The following KCNK10 variants were observed in gnomAD, a reference collection of about 807,000 sequenced individuals.
The protein encoded by KCNK10 is potassium two pore domain channel subfamily K member 10, also known as potassium channel subfamily K member 10.
Under a neutral mutation model 47.7 loss-of-function variants are expected in KCNK10, and 25 were observed. The observed-to-expected ratio is 0.52, with a 90% CI of 0.38 to 0.73. The LOEUF is 0.73. Among genes scored for constraint, KCNK10 ranks in the 30% least tolerant of loss-of-function variants. KCNK10 has a pLI of 0.00. For synonymous variants in KCNK10, 303 were observed against 285.6 expected (o/e 1.06, Z -0.61); for missense variants, 563 against 714.5 (o/e 0.79, Z 2.42).
chr14:88,289,070 C>G (rs188679530), intron 1 of KCNK10, among the ~76,000 whole-genome samples: 3 of 152,174 alleles, frequency 2.0e-5, no homozygotes, highest in African/African-American at 7.2e-5. Flanking sequence ...ACCCAGCACC[C>G]GGGTTGGTCT....
chr14:88,308,126 T>C (rs1475379211), intron 1 of KCNK10, among the ~76,000 whole-genome samples: 1 of 152,164 alleles, frequency 6.6e-6, no homozygotes, highest in African/African-American at 2.4e-5. Context: ...CGTGGGAGTA[T>C]GGCCACTGTT....
At chr14:88,265,525 C>T (rs1308604050) in intron 1 of KCNK10, among the ~76,000 whole-genome samples, 1 of 152,192 alleles carries the variant, frequency 6.6e-6, no homozygotes, top group Non-Finnish European at 1.5e-5. Flanking sequence ...GAACTTCTGA[C>T]TTCCAGAACC....
At chr14:88,206,184 G>A (rs1362685536) in intron 4 of KCNK10, among the ~76,000 whole-genome samples, 1 of 152,128 alleles carries the variant, frequency 6.6e-6, no homozygotes, top group African/African-American at 2.4e-5. Context: ...TTACATGGGA[G>A]CCCCCTGGAA....
At chr14:88,223,423 C>A (rs1419636356) in intron 4 of KCNK10, among the ~76,000 whole-genome samples, 1 of 151,212 alleles carries the variant, frequency 6.6e-6, no homozygotes, top group Admixed American at 6.6e-5. Flanking sequence ...CAATGAGCCT[C>A]TGTCTGTATG....
chr14:88,210,230 A>C (rs1285721155), intron 4 of KCNK10, among the ~76,000 whole-genome samples: 1 of 152,176 alleles, frequency 6.6e-6, no homozygotes, highest in East Asian at 1.9e-4. Flanking sequence ...TGGATCATTC[A>C]CCCAAGGTGG....
intron 5 of KCNK10, among the ~76,000 whole-genome samples, chr14:88,189,268 T>C (rs1884671677): frequency 6.6e-6 from 1 of 152,158 alleles, no homozygotes; most frequent in Non-Finnish European, 1.5e-5. Flanking sequence ...TGCCACTTCT[T>C]AACGTTAGAA....
chr14:88,326,275 A>G, upstream of KCNK10: 1 of 661,956 alleles, frequency 1.5e-6, no homozygotes, highest in Non-Finnish European at 2.6e-6. Flanking sequence ...CTCCTCCTCA[A>G]CTGCGTATTT....
intron 1 of KCNK10, among the ~76,000 whole-genome samples, chr14:88,265,276 A>G (rs1887221956): frequency 6.6e-6 from 1 of 152,074 alleles, no homozygotes; most frequent in Non-Finnish European, 1.5e-5. Context: ...ATGGGGGATG[A>G]TCTTGGATTA....
chr14:88,270,354 C>T (rs530092343), intron 1 of KCNK10, among the ~76,000 whole-genome samples: 4 of 152,096 alleles, frequency 2.6e-5, no homozygotes, highest in Non-Finnish European at 5.9e-5. Flanking sequence ...ATCTGTGCTG[C>T]CTCTGGTTCC....
intron 1 of KCNK10, among the ~76,000 whole-genome samples, chr14:88,281,116 C>T (rs899962934): frequency 6.6e-6 from 1 of 152,186 alleles, no homozygotes; most frequent in Non-Finnish European, 1.5e-5. Flanking sequence ...CAACATGCCC[C>T]TTTTCCCTCT....
At chr14:88,254,854 T>C (rs1282352774) in intron 2 of KCNK10, among the ~76,000 whole-genome samples, 3 of 150,848 alleles carry the variant, frequency 2.0e-5, no homozygotes. Flanking sequence ...TAATTATCTT[T>C]GTCTACTCGG....
chr14:88,214,764 A>C (rs1885566960), intron 4 of KCNK10, among the ~76,000 whole-genome samples: 1 of 152,230 alleles, frequency 6.6e-6, no homozygotes, highest in African/African-American at 2.4e-5. Context: ...CAACACACTG[A>C]GAGAGAGCAT....
intron 4 of KCNK10, among the ~76,000 whole-genome samples, chr14:88,201,190 G>C (rs1885088349): frequency 6.6e-6 from 1 of 152,142 alleles, no homozygotes; most frequent in Non-Finnish European, 1.5e-5. Context: ...ACATCCTAGG[G>C]GACGTGATCT....
intron 1 of KCNK10, among the ~76,000 whole-genome samples, chr14:88,300,164 A>G (rs748630943): frequency 6.6e-6 from 1 of 152,128 alleles, no homozygotes; most frequent in Non-Finnish European, 1.5e-5. Context: ...CCCTTGAGCA[A>G]AACTTGCAAA....
intron 1 of KCNK10, among the ~76,000 whole-genome samples, chr14:88,293,878 T>A (rs1233928870): frequency 6.6e-6 from 1 of 151,964 alleles, no homozygotes; most frequent in Non-Finnish European, 1.5e-5. Context: ...AGGGTCTCAC[T>A]ATGTTGCTCA....
Position 88,182,036 on chromosome 14 carries a change from GCACACACACACACACA to G in KCNK10, c.*3483_*3498del, listed in dbSNP as rs372506756. The stretch of plus-strand genomic sequence containing the variant: ...AGATGGCCCAACACCACCCCAACCC[GCACACACACACACACA>G]CACACACACACACACACACACACAC... On this transcript the variant is annotated 3_prime_UTR_variant, in exon 7 of 7. Transcript: ENST00000319231. 6.9e-4 allele frequency: 94 copies of G among 137,146 alleles called. No individual in the cohort carries two copies. The highest frequency in any genetic ancestry group is 1.8e-3 in the African/African-American group (66 of 36,834). The allele number at this position is 137,146 out of a possible 1,614,324, so 8.5% of individuals were successfully genotyped here. A position where few individuals can be genotyped will look rare whatever the true frequency, so the allele number is the denominator to read the frequency against.
intron 2 of KCNK10, among the ~76,000 whole-genome samples, chr14:88,253,291 A>G (rs1886850793): frequency 6.6e-6 from 1 of 152,220 alleles, no homozygotes; most frequent in South Asian, 2.1e-4. Flanking sequence ...AATAAATTCT[A>G]GTGTTCTATA....
chr14:88,260,706 T>A lies in KCNK10; in HGVS notation c.402+2496A>T, dbSNP rs1183109889. Among the ~76,000 whole-genome samples the A allele has an allele frequency of 6.6e-6, 1 of 152,222 alleles. No individual in the cohort carries two copies. On this transcript the variant is annotated intron_variant, in intron 2 of 6. Coordinates refer to ENST00000319231, the MANE Select transcript of KCNK10 (RefSeq NM_138317.3). This position sits in a 1 kb window ranked among gnomAD's most constrained non-coding sequence, Gnocchi z 4.5. ...TCGTGATATGAACTTAGAGTGTTGTTGATAAGATTAAATGAGATAATGGGT... is the reference window on the plus strand; with the variant it reads ...TCGTGATATGAACTTAGAGTGTTGTAGATAAGATTAAATGAGATAATGGGT...
upstream of KCNK10, among the ~76,000 whole-genome samples, chr14:88,326,181 G>GCCCCCCC (rs376789337): frequency 1.0e-5 from 1 of 97,390 alleles, no homozygotes; most frequent in South Asian, 4.1e-4. Context: ...CAAGTTACCC[G>GCCCCCCC]CCCCCCCCCA....
Sources: gnomAD v4.1 joint callset for allele counts (sites outside exome capture counted in the v4.1 genomes callset) on GRCh38, gnomAD v4.1.1 for gene constraint, Gnocchi (gnomAD v3.1) non-coding constraint, MANE v1.5 for transcripts, NCBI Gene and HGNC (gene_info 2026-07-23, HGNC 2026-07-21) for gene names.